The following CDH13 variants were observed in gnomAD, a reference collection of about 807,000 sequenced individuals.
CDH13 encodes cadherin 13.
Under a neutral mutation model 63.8 loss-of-function variants are expected in CDH13, and 24 were observed. That is an observed-to-expected ratio of 0.38 (90% CI 0.27 to 0.53). The LOEUF is 0.53. Ranked by LOEUF, CDH13 falls within the 20% of genes least tolerant of loss-of-function variation. CDH13 has a pLI of 0.85. For synonymous variants in CDH13, 503 were observed against 355.3 expected (o/e 1.42, Z -4.67); for missense variants, 1,049 against 903.1 (o/e 1.16, Z -2.07).
intron 2 of CDH13, among the ~76,000 whole-genome samples, chr16:82,935,562 C>T (rs2151301283): frequency 6.6e-6 from 1 of 152,250 alleles, no homozygotes; most frequent in East Asian, 1.9e-4. Flanking sequence ...AAGGACCTAC[C>T]TTGGAAATCA....
At chr16:83,255,647 G>A (rs1265460428) in intron 5 of CDH13, among the ~76,000 whole-genome samples, 2 of 152,138 alleles carry the variant, frequency 1.3e-5, no homozygotes, top group African/African-American at 4.8e-5. Context: ...ATCTAGACCT[G>A]TTGTTTTCCT....
At chr16:83,774,250 G>A (rs1022166934) in intron 11 of CDH13, among the ~76,000 whole-genome samples, 4 of 152,172 alleles carry the variant, frequency 2.6e-5, no homozygotes, top group African/African-American at 9.7e-5. Flanking sequence ...AGCTGGAAAT[G>A]ATGATTCCTT....
intron 5 of CDH13, among the ~76,000 whole-genome samples, chr16:83,251,017 C>A (rs571256040): frequency 1.3e-5 from 2 of 151,840 alleles, no homozygotes; most frequent in Non-Finnish European, 2.9e-5. Flanking sequence ...TCTCCTGCTC[C>A]TCATCCCCCA....
rs1240503138 is a variant in CDH13 at position 83,797,426 on chromosome 16, G to C, written c.*2396G>C. The C allele has an allele frequency of 3.3e-5, 5 of 152,174 alleles. No homozygotes were observed. Among genetic ancestry groups the C allele is most frequent in the Non-Finnish European group, 7.3e-5 (5 of 68,038 alleles). 9.4% of individuals were successfully genotyped at this position (152,174 alleles called of 1,614,324 possible). On this transcript the variant is annotated 3_prime_UTR_variant, in exon 14 of 14. Coordinates refer to ENST00000567109, the MANE Select transcript of CDH13 (RefSeq NM_001257.5). ...AAAGTGCACACTTCATTAATAAATA[G>C]AATATGCCTCAACTTTCCCTTATTT...
At chr16:82,639,597 CAAG>C in intron 1 of CDH13, 1 of 647,634 alleles carries the variant, frequency 1.5e-6, no homozygotes, top group Non-Finnish European at 2.7e-6. Context: ...AAAAAGAAAA[CAAG>C]AAATATACAG....
intron 6 of CDH13, among the ~76,000 whole-genome samples, chr16:83,408,829 G>A (rs1232467597): frequency 3.3e-5 from 5 of 152,218 alleles, no homozygotes; most frequent in African/African-American, 1.2e-4. Context: ...TCCCCACTAA[G>A]TGTGAAAAGA....
intron 10 of CDH13, among the ~76,000 whole-genome samples, chr16:83,720,548 G>C (rs1909554304): frequency 6.6e-6 from 1 of 151,980 alleles, no homozygotes; most frequent in South Asian, 2.1e-4. Flanking sequence ...TTCGAGGACA[G>C]CCTGGGCAAC....
intron 13 of CDH13, among the ~76,000 whole-genome samples, chr16:83,783,915 G>T (rs528346679): frequency 6.6e-6 from 1 of 152,304 alleles, no homozygotes; most frequent in African/African-American, 2.4e-5. Context: ...AGGGTGGGCT[G>T]CAGGGAAAAT....
At chr16:82,811,791 G>C (rs888662228) in intron 1 of CDH13, among the ~76,000 whole-genome samples, 1 of 152,114 alleles carries the variant, frequency 6.6e-6, no homozygotes, top group Non-Finnish European at 1.5e-5. Flanking sequence ...ATAGACATTG[G>C]GGTGAAGGAA....
chr16:83,122,140 G>C (rs2035612883), intron 3 of CDH13, among the ~76,000 whole-genome samples: 1 of 152,194 alleles, frequency 6.6e-6, no homozygotes, highest in African/African-American at 2.4e-5. Flanking sequence ...AATAAGATCA[G>C]TTTGCATATT....
chr16:83,161,398 T>C lies in CDH13; in HGVS notation c.483+35897T>C, dbSNP rs183520898. On this transcript the variant is annotated intron_variant, in intron 4 of 13. Coordinates refer to ENST00000567109, the MANE Select transcript of CDH13 (RefSeq NM_001257.5). ...ATCAGTTTTCTGAAGATTCAGATTT[T>C]TGTTGTTTTTAAATGAGTAATTCTA... Among the ~76,000 whole-genome samples, 137 of 152,276 alleles carry C rather than the reference T, an allele frequency of 9.0e-4. 1 individual carries two copies. Among genetic ancestry groups the C allele is most frequent in the Admixed American group, 1.8e-3 (28 of 15,296 alleles).
chr16:82,752,819 C>G (rs2034470658), intron 1 of CDH13, among the ~76,000 whole-genome samples: 2 of 152,198 alleles, frequency 1.3e-5, no homozygotes, highest in African/African-American at 4.8e-5. Flanking sequence ...TGGCTGATTG[C>G]AAGCTACCAA....
chr16:83,532,290 C>G (rs1487139517), intron 7 of CDH13, among the ~76,000 whole-genome samples: 1 of 152,156 alleles, frequency 6.6e-6, no homozygotes, highest in Non-Finnish European at 1.5e-5. Flanking sequence ...GAAGTCACTC[C>G]TCAAAGGTGA....
chr16:83,328,064 C>T (rs1444784422), intron 5 of CDH13, among the ~76,000 whole-genome samples: 2 of 149,374 alleles, frequency 1.3e-5, no homozygotes, highest in South Asian at 2.1e-4. Flanking sequence ...ACCCAGGAGG[C>T]GGAGCTTGCA....
chr16:83,088,489 A>G (rs937827907), intron 3 of CDH13, among the ~76,000 whole-genome samples: 1 of 152,114 alleles, frequency 6.6e-6, no homozygotes, highest in African/African-American at 2.4e-5. Flanking sequence ...TTAGTTACAT[A>G]CTGCTGCTCT....
intron 5 of CDH13, among the ~76,000 whole-genome samples, chr16:83,286,396 A>C (rs374874738): frequency 2.2e-4 from 33 of 152,288 alleles, no homozygotes; most frequent in East Asian, 2.1e-3. Flanking sequence ...AGAATTTAAA[A>C]GGCATGCTCC....
At chr16:83,456,078 G>A (rs1448053548) in intron 6 of CDH13, among the ~76,000 whole-genome samples, 1 of 152,232 alleles carries the variant, frequency 6.6e-6, no homozygotes, top group Non-Finnish European at 1.5e-5. Context: ...TCCAGCCCTG[G>A]CTTGCTTAGA....
intron 8 of CDH13, among the ~76,000 whole-genome samples, chr16:83,636,215 G>C (rs562927188): frequency 6.6e-6 from 1 of 152,086 alleles, no homozygotes; most frequent in Non-Finnish European, 1.5e-5. Context: ...TCTTATTACC[G>C]GAGCTGTAGA....
At chr16:83,449,496 C>A (rs2072819581) in intron 6 of CDH13, among the ~76,000 whole-genome samples, 1 of 152,190 alleles carries the variant, frequency 6.6e-6, no homozygotes, top group Non-Finnish European at 1.5e-5. Context: ...CTGGAAATAT[C>A]ACTCGGTGAA....
Sources: allele counts gnomAD v4.1 joint callset (sites outside exome capture counted in the v4.1 genomes callset), GRCh38; gene constraint gnomAD v4.1.1; transcripts MANE v1.5; gene names NCBI Gene and HGNC (gene_info 2026-07-23, HGNC 2026-07-21).